Variants in HSPA12A observed in about 807,000 individuals in gnomAD.
The protein encoded by HSPA12A is heat shock 70 kDa protein 12A.
HSPA12A carries 28 observed loss-of-function variants against 69.2 expected under a neutral mutation model. The observed-to-expected ratio is 0.40, with a 90% CI of 0.30 to 0.55. The LOEUF (loss-of-function observed/expected upper bound fraction) is 0.55. Among genes scored for constraint, HSPA12A ranks in the 20% least tolerant of loss-of-function variants. The pLI is 0.38. For missense variants in HSPA12A, 686 were observed against 900.7 expected, an observed-to-expected ratio of 0.76 and a Z score of 3.05; for synonymous variants, 345 against 370.5, an observed-to-expected ratio of 0.93 and a Z score of 0.79.
intron 2 of HSPA12A, among the ~76,000 whole-genome samples, chr10:116,779,840 G>T (rs1209578088): frequency 6.6e-6 from 1 of 152,064 alleles, no homozygotes; most frequent in Non-Finnish European, 1.5e-5. Context: ...ATTCCTAAGG[G>T]CTTGGAGCTC....
rs558888605 is a variant in HSPA12A at position 116,681,863 on chromosome 10, G to A, written c.850C>T (p.Arg284Trp). The part of the protein sequence containing the change: ...AGFTQAKEHI[R>W]RNRQSRTFLV... Reference sequence around the variant, plus strand: ...AAGGTCCGACTCTGCCGATTACGCCGTATGTGTTCCTTAGCTAGTGGCCGA... The same window carrying A: ...AAGGTCCGACTCTGCCGATTACGCCATATGTGTTCCTTAGCTAGTGGCCGA... Residue 284 changes from arginine to tryptophan, a missense_variant, in exon 8 of 12, where the codon CGG becomes TGG. Transcript: ENST00000369209. The A allele has an allele frequency of 1.9e-6, 3 of 1,614,106 alleles. No individual in the cohort carries two copies. Among genetic ancestry groups the A allele is most frequent in the East Asian group, 2.2e-5 (1 of 44,884 alleles).
chr10:116,843,567 A>G (rs1195044348), intron 1 of HSPA12A, among the ~76,000 whole-genome samples: 1 of 152,166 alleles, frequency 6.6e-6, no homozygotes, highest in Admixed American at 6.5e-5. Context: ...GTAAAAGGTC[A>G]CACAAGTGGG....
chr10:116,814,857 GT>G (rs1304998524), intron 2 of HSPA12A, among the ~76,000 whole-genome samples: 1 of 152,100 alleles, frequency 6.6e-6, no homozygotes, highest in Non-Finnish European at 1.5e-5. Context: ...TTGCAAATTT[GT>G]TTTCTAAAAA....
intron 2 of HSPA12A, among the ~76,000 whole-genome samples, chr10:116,761,611 G>A (rs1232874787): frequency 6.6e-6 from 1 of 152,038 alleles, no homozygotes; most frequent in Non-Finnish European, 1.5e-5. Context: ...AGCCAAGCAT[G>A]GTAGTGCACG....
intron 2 of HSPA12A, among the ~76,000 whole-genome samples, chr10:116,764,628 A>G (rs1049730416): frequency 1.3e-5 from 2 of 152,178 alleles, no homozygotes; most frequent in Non-Finnish European, 2.9e-5. Flanking sequence ...AGGGATGGGG[A>G]TGATGGTGAG....
At chr10:116,850,714 G>T (rs917089526), upstream of HSPA12A, among the ~76,000 whole-genome samples, 3 of 152,148 alleles carry the variant, frequency 2.0e-5, no homozygotes, top group Non-Finnish European at 2.9e-5. Flanking sequence ...TACTATCAAA[G>T]GGGAGAGGTG....
In HSPA12A at chr10:116,781,336, C is replaced by T. The variant is rs940606877; in HGVS notation, c.91+53599G>A. Among the ~76,000 whole-genome samples the T allele has an allele frequency of 5.3e-5, 8 of 151,962 alleles. No individual in the cohort carries two copies. The East Asian group carries it at 1.5e-3, about 29-fold the overall frequency. ...AATGGATTTCCTCTGGATTCACTCT[C>T]TCTACTCCCCAATCAGTGCCAATGA... On this transcript the variant is annotated intron_variant, in intron 2 of 12. Transcript: ENST00000635765.
chr10:116,793,897 C>A (rs1204705265), intron 2 of HSPA12A, among the ~76,000 whole-genome samples: 1 of 151,762 alleles, frequency 6.6e-6, no homozygotes, highest in African/African-American at 2.4e-5. Context: ...TCAATAATTA[C>A]AATAAACATA....
Position 116,675,530 on chromosome 10 carries a change from G to A in HSPA12A, c.1391-112C>T, listed in dbSNP as rs1235206281. On this transcript the variant is annotated intron_variant, in intron 11 of 11. Coordinates refer to ENST00000369209, the MANE Select transcript of HSPA12A (RefSeq NM_025015.3). The surrounding 1 kb of genome is among the most constrained non-coding windows in gnomAD (Gnocchi z 5.2). ...GATAAAGCCACTTGGGCCACTGGGA[G>A]GGCAGGCTTACTCTGAGCTCCTTGA... The A allele has an allele frequency of 2.6e-6, 3 of 1,146,692 alleles. No homozygotes were observed. In the East Asian group the frequency reaches 7.8e-5, roughly 30 times the overall value. The allele number at this position is 1,146,692 out of a possible 1,614,324, so 71.0% of individuals were successfully genotyped here.
chr10:116,714,888 A>G (rs1377225963), intron 1 of HSPA12A, among the ~76,000 whole-genome samples: 2 of 152,142 alleles, frequency 1.3e-5, no homozygotes, highest in African/African-American at 2.4e-5. Flanking sequence ...CAGCAGGCAA[A>G]TTCTGCATCA....
chr10:116,849,737 G>A, exon 1 of HSPA12A: 1 of 1,504,468 alleles, frequency 6.6e-7, no homozygotes, highest in Non-Finnish European at 8.9e-7. Context: ...ACCTGGTAGG[G>A]ACCTGGGACA....
intron 2 of HSPA12A, among the ~76,000 whole-genome samples, chr10:116,787,454 A>C (rs1844602506): frequency 6.7e-6 from 1 of 150,328 alleles, no homozygotes. Flanking sequence ...AAAAAAAAAA[A>C]AAAAAAAAAC....
intron 2 of HSPA12A, among the ~76,000 whole-genome samples, chr10:116,782,721 A>C (rs1157047023): frequency 2.0e-5 from 3 of 152,194 alleles, no homozygotes; most frequent in African/African-American, 7.2e-5. Context: ...AATAAATGAG[A>C]TGCTATTCAG....
intron 2 of HSPA12A, among the ~76,000 whole-genome samples, chr10:116,705,638 T>C (rs1477699080): frequency 6.6e-6 from 1 of 152,258 alleles, no homozygotes; most frequent in Non-Finnish European, 1.5e-5. Context: ...CAAGCCCTGC[T>C]GCCTTCCGCA....
Position 116,681,214 on chromosome 10 carries a change from T to C in HSPA12A, c.965A>G (p.Asp322Gly). The part of the protein sequence containing the change: ...VVVDSGGGTV[D>G]LTVHQIRLPE... Reference sequence around the variant, plus strand: ...TAACCGGATCTGATGGACTGTCAGGTCTACGGTGCCACCGCCACTGTCCAC... The same window carrying C: ...TAACCGGATCTGATGGACTGTCAGGCCTACGGTGCCACCGCCACTGTCCAC... The change falls in exon 9 of 12, where the codon GAC becomes GGC. Residue 322 changes from aspartate to glycine, a missense_variant. Transcript: ENST00000369209. 1 of 1,614,156 alleles carries C rather than the reference T, an allele frequency of 6.2e-7. No individual in the cohort carries two copies. The highest frequency in any genetic ancestry group is 8.5e-7 in the Non-Finnish European group (1 of 1,180,024).
intron 2 of HSPA12A, among the ~76,000 whole-genome samples, chr10:116,828,580 AAGGG>A (rs921268972): frequency 1.3e-5 from 2 of 152,206 alleles, no homozygotes; most frequent in African/African-American, 4.8e-5. Context: ...CAGAACCCCA[AAGGG>A]AGGACCACCT....
upstream of HSPA12A, among the ~76,000 whole-genome samples, chr10:116,746,028 C>T (rs1399227492): frequency 1.1e-4 from 17 of 152,090 alleles, no homozygotes; most frequent in Non-Finnish European, 2.5e-4. Flanking sequence ...CCAGCCATGT[C>T]CACATTTAGA....
intron 2 of HSPA12A, among the ~76,000 whole-genome samples, chr10:116,818,928 C>T (rs1206060150): frequency 6.6e-6 from 1 of 152,140 alleles, no homozygotes; most frequent in East Asian, 1.9e-4. Flanking sequence ...TTCCTGCTTC[C>T]AGGCTTGTAC....
intron 2 of HSPA12A, among the ~76,000 whole-genome samples, chr10:116,824,374 A>C (rs1845461182): frequency 6.6e-6 from 1 of 152,252 alleles, no homozygotes; most frequent in Non-Finnish European, 1.5e-5. Context: ...ATATAGAGTT[A>C]CCATATGCCC....
Sources: allele counts gnomAD v4.1 joint callset (sites outside exome capture counted in the v4.1 genomes callset), GRCh38; gene constraint gnomAD v4.1.1; non-coding constraint Gnocchi (gnomAD v3.1); transcripts MANE v1.5; gene names NCBI Gene and HGNC (gene_info 2026-07-23, HGNC 2026-07-21).